Variants in KIAA1671 observed in about 807,000 individuals in gnomAD.
KIAA1671 encodes the protein KIAA1671.
KIAA1671 carries 52 observed loss-of-function variants against 131.2 expected under a neutral mutation model. That is an observed-to-expected ratio of 0.40 (90% CI 0.32 to 0.50). KIAA1671 has a LOEUF of 0.50. Ranked by LOEUF, KIAA1671 falls within the 20% of genes least tolerant of loss-of-function variation. KIAA1671 has a pLI of 0.73. For synonymous variants in KIAA1671, 1,003 were observed against 961.6 expected (o/e 1.04, Z -0.80); for missense variants, 2,360 against 2,364.2 (o/e 1.00, Z 0.04).
In KIAA1671 at chr22:25,039,060, C is replaced by T. The variant is rs1206581264; in HGVS notation, c.1930C>T (p.Arg644Cys). The change falls in exon 5 of 13, where the codon CGT becomes TGT. Residue 644 changes from arginine (R) to cysteine (C), a missense_variant. By Grantham distance (180) the Arg-to-Cys change is radical. Coordinates refer to ENST00000358431, the MANE Select transcript of KIAA1671 (RefSeq NM_001145206.2). ...ACCCCCTGGTGACATGGCCCATGCC[C>T]GTGTCTCAGAACCCAGGCCGAGGCC... Reference protein sequence around the residue: ...TTPPGDMAHARVSEPRPRPEM... With the variant: ...TTPPGDMAHACVSEPRPRPEM... The T allele has an allele frequency of 6.4e-6, 10 of 1,551,722 alleles. No individual in the cohort carries two copies. Among genetic ancestry groups the T allele is most frequent in the African/African-American group, 2.7e-5 (2 of 73,182 alleles).
intron 9 of KIAA1671, chr22:25,179,460 G>A (rs1424731944): frequency 6.2e-7 from 1 of 1,613,150 alleles, no homozygotes; most frequent in African/African-American, 1.3e-5. Context: ...TCCGCCTGGC[G>A]GCTGAAGTTG....
intron 6 of KIAA1671, among the ~76,000 whole-genome samples, chr22:25,068,679 G>A (rs1405456379): frequency 6.6e-6 from 1 of 152,156 alleles, no homozygotes; most frequent in Admixed American, 6.6e-5. Flanking sequence ...CTCATGATCT[G>A]CCCACCTTGG....
At chr22:25,155,883 G>A (rs2145985076) in intron 6 of KIAA1671, among the ~76,000 whole-genome samples, 1 of 149,604 alleles carries the variant, frequency 6.7e-6, no homozygotes, top group Non-Finnish European at 1.5e-5. Flanking sequence ...ACCTGTACTT[G>A]TATTTGTGTA....
chr22:25,148,933 G>A (rs1932946804), intron 6 of KIAA1671, among the ~76,000 whole-genome samples: 1 of 152,196 alleles, frequency 6.6e-6, no homozygotes, highest in African/African-American at 2.4e-5. Flanking sequence ...TCCTCTGACT[G>A]GGCTGATCTA....
intron 1 of KIAA1671, among the ~76,000 whole-genome samples, chr22:24,961,096 C>T (rs1921995203): frequency 6.6e-6 from 1 of 152,172 alleles, no homozygotes; most frequent in Non-Finnish European, 1.5e-5. Context: ...GCAGTCTCAA[C>T]CTCCTGGGCT....
rs140785473 is a variant in KIAA1671 at position 25,070,164 on chromosome 22, C to T, written c.4530+20800C>T. ...ATGCCCCGGGCGGGGCTCATAGGACCGAGTGGTGGCTTCTCAGTTCCCCAG... is the reference window on the plus strand; with the variant it reads ...ATGCCCCGGGCGGGGCTCATAGGACTGAGTGGTGGCTTCTCAGTTCCCCAG... On this transcript the variant is annotated intron_variant, in intron 6 of 12. Coordinates refer to ENST00000358431, the MANE Select transcript of KIAA1671 (RefSeq NM_001145206.2). 1.7e-3 allele frequency: 669 copies of T among 387,242 alleles called. 7 individuals are homozygous for T. In the East Asian group the frequency reaches 0.023, roughly 13 times the overall value. The allele number at this position is 387,242 out of a possible 1,614,324, so 24.0% of individuals were successfully genotyped here. A position where few individuals can be genotyped will look rare whatever the true frequency, so the allele number is the denominator to read the frequency against.
chr22:25,079,862 T>C (rs578247423), intron 6 of KIAA1671, among the ~76,000 whole-genome samples: 187 of 152,204 alleles, frequency 1.2e-3, no homozygotes, highest in Middle Eastern at 3.4e-3. Flanking sequence ...TAGGTCCCTC[T>C]GGCTGTCATG....
chr22:25,035,756 G>A (rs1257662986), intron 4 of KIAA1671, among the ~76,000 whole-genome samples: 1 of 152,088 alleles, frequency 6.6e-6, no homozygotes, highest in Non-Finnish European at 1.5e-5. Context: ...GGATGGGTTG[G>A]GCAAGTTCAT....
At chr22:25,120,864 T>A (rs1931901552) in intron 6 of KIAA1671, among the ~76,000 whole-genome samples, 1 of 152,250 alleles carries the variant, frequency 6.6e-6, no homozygotes, top group Non-Finnish European at 1.5e-5. Flanking sequence ...GCTGGACATT[T>A]GGGTAATTTC....
intron 1 of KIAA1671, among the ~76,000 whole-genome samples, chr22:25,015,590 T>G (rs1464386144): frequency 6.6e-6 from 1 of 152,232 alleles, no homozygotes; most frequent in Non-Finnish European, 1.5e-5. Flanking sequence ...CAGTTTGGAT[T>G]ATGCTTTAGA....
At chr22:25,079,769 C>G (rs1199136039) in intron 6 of KIAA1671, among the ~76,000 whole-genome samples, 2 of 152,286 alleles carry the variant, frequency 1.3e-5, no homozygotes, top group Non-Finnish European at 2.9e-5. Context: ...ACTCTAAGGA[C>G]TGTGCCTCGT....
chr22:25,143,624 C>T (rs576117460), intron 6 of KIAA1671, among the ~76,000 whole-genome samples: 3 of 152,200 alleles, frequency 2.0e-5, no homozygotes, highest in African/African-American at 7.2e-5. Context: ...GTTCCTGAGC[C>T]CAGTGGCCAG....
chr22:25,184,304 C>T (rs1934395224), intron 10 of KIAA1671, among the ~76,000 whole-genome samples: 1 of 152,212 alleles, frequency 6.6e-6, no homozygotes, highest in Non-Finnish European at 1.5e-5. Flanking sequence ...GAATCATACA[C>T]ACATGGAACG....
chr22:25,174,354 T>A lies in KIAA1671; in HGVS notation c.4764T>A (p.Tyr1588Ter). Residue 1588 changes from tyrosine (Y) to a stop codon, truncating the protein, a stop_gained, in exon 8 of 13, where the codon TAT becomes TAA. Coordinates refer to ENST00000358431, the MANE Select transcript of KIAA1671 (RefSeq NM_001145206.2). LOFTEE classifies it high-confidence loss of function. ...QTEPTSAGDQYDCSRDQRSTS... is the reference protein window; with the variant it reads ...QTEPTSAGDQ ...AGCCCACCTCGGCAGGGGACCAGTATGACTGCTCCAGGGACCAGCGGAGCA... is the reference window on the plus strand; with the variant it reads ...AGCCCACCTCGGCAGGGGACCAGTAAGACTGCTCCAGGGACCAGCGGAGCA... 1 of 1,552,054 alleles carries A rather than the reference T, an allele frequency of 6.4e-7. No homozygotes were observed. Among genetic ancestry groups the A allele is most frequent in the Non-Finnish European group, 8.7e-7 (1 of 1,147,080 alleles).
intron 1 of KIAA1671, among the ~76,000 whole-genome samples, chr22:24,963,611 G>A (rs1383857953): frequency 2.0e-5 from 3 of 152,000 alleles, no homozygotes; most frequent in Admixed American, 6.6e-5. Flanking sequence ...TGACCTGTGC[G>A]CTGGCTTCTG....
chr22:25,093,296 C>G (rs900346309), intron 6 of KIAA1671, among the ~76,000 whole-genome samples: 1 of 152,112 alleles, frequency 6.6e-6, no homozygotes, highest in Non-Finnish European at 1.5e-5. Flanking sequence ...GCCTAGGAAC[C>G]AGATCAGAGG....
At chr22:25,009,155 A>G (rs1924895699) in intron 1 of KIAA1671, among the ~76,000 whole-genome samples, 1 of 151,078 alleles carries the variant, frequency 6.6e-6, no homozygotes, top group Admixed American at 6.6e-5. Flanking sequence ...ATACCAAGAC[A>G]TGGGTTCAGT....
chr22:25,147,147 AT>A (rs1932894275), intron 6 of KIAA1671, among the ~76,000 whole-genome samples: 1 of 148,604 alleles, frequency 6.7e-6, no homozygotes, highest in East Asian at 2.0e-4. Flanking sequence ...ATTTTATTTT[AT>A]TTTTTACTAT....
intron 6 of KIAA1671, among the ~76,000 whole-genome samples, chr22:25,074,769 C>G (rs755975108): frequency 1.4e-4 from 21 of 152,124 alleles, no homozygotes; most frequent in Non-Finnish European, 2.4e-4. Flanking sequence ...GTTTCTTTAT[C>G]CATTCATCTG....
Sources: allele counts gnomAD v4.1 joint callset (sites outside exome capture counted in the v4.1 genomes callset), GRCh38; gene constraint gnomAD v4.1.1; transcripts MANE v1.5; gene names NCBI Gene and HGNC (gene_info 2026-07-23, HGNC 2026-07-21).